SPRR1B: variants seen among roughly 807,000 people sequenced by gnomAD.
SPRR1B encodes cornifin-B.
In SPRR1B, 1 loss-of-function variant was observed where a neutral mutation model predicts 1.2. The ratio of observed to expected loss-of-function variants is 0.82; its 90% CI spans 0.29 to 3.89. The LOEUF is 3.89. Among genes scored for constraint, SPRR1B ranks in the 30% most tolerant of loss-of-function variants. SPRR1B has a pLI of 0.18. For synonymous variants in SPRR1B, 37 were observed against 38.3 expected, an observed-to-expected ratio of 0.97 and a Z score of 0.13; for missense variants, 102 against 106.0, an observed-to-expected ratio of 0.96 and a Z score of 0.17.
intron 1 of SPRR1B, 25 bp from the exon 2 acceptor site, chr1:153,032,302 C>T (rs3820141): frequency 0.51 from 814,027 of 1,590,842 alleles, 210,236 homozygotes; most frequent in East Asian, 0.62. Flanking sequence ...TTATTCTCTG[C>T]TTAAATCATC....
intron 1 of SPRR1B, 27 bp from the exon 2 acceptor site, chr1:153,032,300 T>C: frequency 6.3e-7 from 1 of 1,588,202 alleles, no homozygotes; most frequent in Non-Finnish European, 8.6e-7. Context: ...TATTATTCTC[T>C]GCTTAAATCA....
chr1:153,032,326 G>C lies in SPRR1B; in HGVS notation c.-19-1G>C. On this transcript the variant is annotated splice_acceptor_variant, in intron 1 of 1. Coordinates refer to ENST00000307098, the MANE Select transcript of SPRR1B (RefSeq NM_003125.3). LOFTEE classifies it low-confidence loss of function (5UTR_SPLICE). ...GCTTAAATCATCTGTTCTGTGTCCA[G>C]GACCAGTCACTGTTGCAGCATGAGT... 6.2e-7 allele frequency: 1 copy of C among 1,611,632 alleles called. No individual in the cohort carries two copies. The highest frequency in any genetic ancestry group is 8.5e-7 in the Non-Finnish European group (1 of 1,178,710).
rs1446209314 is a variant in SPRR1B, at chr1:153,032,389, A to G, written c.44A>G (p.Gln15Arg). The change falls in exon 2 of 2, where the codon CAG becomes CGG. Residue 15 changes from glutamine (Q) to arginine (R), a missense_variant. Physicochemically the swap from Gln to Arg is conservative, Grantham distance 43. Coordinates refer to ENST00000307098, the MANE Select transcript of SPRR1B (RefSeq NM_003125.3). ...AAGCAGCCTTGCACCCCACCCCCTC[A>G]GCTTCAGCAGCAGCAGGTGAAACAG... ...QQKQPCTPPPQLQQQQVKQPC... is the reference protein window; with the variant it reads ...QQKQPCTPPPRLQQQQVKQPC... 3 of 1,613,822 alleles carry G rather than the reference A, an allele frequency of 1.9e-6. No individual in the cohort carries two copies. Among genetic ancestry groups the G allele is most frequent in the Non-Finnish European group, 2.5e-6 (3 of 1,179,926 alleles).
At chr1:153,032,269 T>C (rs1224273650) in intron 1 of SPRR1B, 58 bp from the exon 2 acceptor site, 3 of 1,535,344 alleles carry the variant, frequency 2.0e-6, no homozygotes, top group South Asian at 1.3e-5. Flanking sequence ...CCAGAAGTGG[T>C]ATTCACCATG....
At chr1:153,031,282 T>A (rs1653699700) in intron 1 of SPRR1B, 35 bp downstream of exon 1, 1 of 152,050 alleles carries the variant, frequency 6.6e-6, no homozygotes, top group Non-Finnish European at 1.5e-5. Context: ...TTAGCATCCA[T>A]TCTAGGTATT....
In SPRR1B at chr1:153,032,309, C is replaced by A. The variant is rs772815774; in HGVS notation, c.-19-18C>A. 2.5e-6 allele frequency: 4 copies of A among 1,600,748 alleles called. No homozygotes were observed. The South Asian group carries it at 3.4e-5, about 14-fold the overall frequency. ...CTTCCCTATTATTCTCTGCTTAAAT[C>A]ATCTGTTCTGTGTCCAGGACCAGTC... On this transcript the variant is annotated intron_variant, in intron 1 of 1. Coordinates refer to ENST00000307098, the MANE Select transcript of SPRR1B (RefSeq NM_003125.3).
intron 1 of SPRR1B, 21 bp downstream of exon 1, chr1:153,031,268 C>A (rs547972026): frequency 2.6e-5 from 4 of 152,356 alleles, no homozygotes; most frequent in African/African-American, 9.6e-5. Context: ...TTACTTGGAA[C>A]TCTTTAGCAT....
rs752765845 is a variant in SPRR1B at position 153,032,572 on chromosome 1, T to C, written c.227T>C (p.Ile76Thr). The C allele has an allele frequency of 6.2e-6, 10 of 1,613,592 alleles. No homozygotes were observed. In the East Asian group the frequency reaches 8.9e-5, roughly 14 times the overall value. ...AAGGTGCCTGAGCCCTGCCCTTCAATAGTCACTCCAGCACCAGCCCAGCAG... is the reference window on the plus strand; with the variant it reads ...AAGGTGCCTGAGCCCTGCCCTTCAACAGTCACTCCAGCACCAGCCCAGCAG... Reference protein sequence around the residue: ...HPKVPEPCPSIVTPAPAQQKT... With the variant: ...HPKVPEPCPSTVTPAPAQQKT... Residue 76 changes from isoleucine to threonine, a missense_variant, in exon 2 of 2, where the codon ATA (isoleucine) becomes ACA (threonine). Ile to Thr is a moderately conservative substitution (Grantham distance 89, BLOSUM62 -1). Coordinates refer to ENST00000307098, the MANE Select transcript of SPRR1B (RefSeq NM_003125.3).
At position 153,032,309 on chromosome 1, in the gene SPRR1B, C is replaced by T. The variant is rs772815774; in HGVS notation, c.-19-18C>T. On this transcript the variant is annotated intron_variant, in intron 1 of 1. Transcript: ENST00000307098. The stretch of plus-strand genomic sequence containing the variant: ...CTTCCCTATTATTCTCTGCTTAAAT[C>T]ATCTGTTCTGTGTCCAGGACCAGTC... 6.2e-7 allele frequency: 1 copy of T among 1,600,748 alleles called. No homozygotes were observed.
At position 153,032,216 on chromosome 1, in the gene SPRR1B, T is replaced by G. The variant is rs1653728053; in HGVS notation, c.-19-111T>G. The G allele has an allele frequency of 2.3e-6, 3 of 1,313,562 alleles. No homozygotes were observed. The South Asian group carries it at 4.4e-5, about 19-fold the overall frequency. The allele number at this position is 1,313,562 out of a possible 1,614,324, so 81.4% of individuals were successfully genotyped here. On this transcript the variant is annotated intron_variant, in intron 1 of 1. Transcript: ENST00000307098. ...AAGGCTCAGAAATTAAATTAAGTATTCTTTGTGGTCAAGAAGGGGAAAGAA... is the reference window on the plus strand; with the variant it reads ...AAGGCTCAGAAATTAAATTAAGTATGCTTTGTGGTCAAGAAGGGGAAAGAA...
chr1:153,032,226 CAAGAAGGGGA>C, intron 1 of SPRR1B, 91 bp from the exon 2 acceptor site: 1 of 1,372,562 alleles, frequency 7.3e-7, no homozygotes, highest in South Asian at 1.4e-5. Flanking sequence ...TCTTTGTGGT[CAAGAAGGGGA>C]AAGAACATAG....
intron 1 of SPRR1B, 63 bp from the exon 2 acceptor site, chr1:153,032,264 A>C: frequency 6.6e-7 from 1 of 1,521,318 alleles, no homozygotes; most frequent in Non-Finnish European, 8.9e-7. Flanking sequence ...AGAGACCAGA[A>C]GTGGTATTCA....
Position 153,032,332 on chromosome 1 carries a change from G to C in SPRR1B, c.-14G>C. The C allele has an allele frequency of 6.2e-7, 1 of 1,612,510 alleles. No homozygotes were observed. Among genetic ancestry groups the C allele is most frequent in the Non-Finnish European group, 8.5e-7 (1 of 1,179,174 alleles). ...ATCATCTGTTCTGTGTCCAGGACCA[G>C]TCACTGTTGCAGCATGAGTTCCCAG... On this transcript the variant is annotated 5_prime_UTR_variant, in exon 2 of 2. Coordinates refer to ENST00000307098, the MANE Select transcript of SPRR1B (RefSeq NM_003125.3).
chr1:153,031,344 T>A (rs140761269), intron 1 of SPRR1B, 97 bp downstream of exon 1: 3 of 152,376 alleles, frequency 2.0e-5, no homozygotes, highest in Non-Finnish European at 4.4e-5. Context: ...TCCCTCATTA[T>A]TGAATTTGAT....
At chr1:153,032,098 C>T (rs745425270) in intron 1 of SPRR1B, among the ~76,000 whole-genome samples, 2 of 151,996 alleles carry the variant, frequency 1.3e-5, no homozygotes, top group Non-Finnish European at 2.9e-5. Flanking sequence ...TGCTAGAAGC[C>T]TGTTATTGTG....
Position 153,032,691 on chromosome 1 carries a change from C to T in SPRR1B, c.*76C>T. On this transcript the variant is annotated 3_prime_UTR_variant, in exon 2 of 2. Transcript: ENST00000307098. The stretch of plus-strand genomic sequence containing the variant: ...CCTATCCCATTCTGCGTATGAGTCC[C>T]ATTTGCCTTGCAATTAGCATTCTGT... The T allele has an allele frequency of 6.5e-7, 1 of 1,543,394 alleles. No individual in the cohort carries two copies. Among genetic ancestry groups the T allele is most frequent in the Non-Finnish European group, 8.7e-7 (1 of 1,146,176 alleles).
chr1:153,032,873 A>C lies in SPRR1B; in HGVS notation c.*258A>C. The C allele has an allele frequency of 3.4e-6, 2 of 587,530 alleles. No individual in the cohort carries two copies. Among genetic ancestry groups the C allele is most frequent in the African/African-American group, 1.9e-5 (1 of 53,670 alleles). 36.4% of individuals were successfully genotyped at this position (587,530 alleles called of 1,614,324 possible). On this transcript the variant is annotated 3_prime_UTR_variant, in exon 2 of 2. Transcript: ENST00000307098. ...AAAGCAAATGATTCAGCTCCCTTAT[A>C]CCCCCATTAAATTCACTTTCAATTC...
rs369845389 is a variant in SPRR1B, at chr1:153,032,543, C to G, written c.198C>G (p.His66Gln). Residue 66 changes from histidine to glutamine, a missense_variant, in exon 2 of 2, where the codon CAC (histidine) becomes CAG (glutamine). Coordinates refer to ENST00000307098, the MANE Select transcript of SPRR1B (RefSeq NM_003125.3). ...AGCCCAAGGTTCCAGAGCCATGCCA[C>G]CCCAAGGTGCCTGAGCCCTGCCCTT... ...PCQPKVPEPC[H>Q]PKVPEPCPSI... The G allele has an allele frequency of 2.8e-5, 45 of 1,607,966 alleles. No homozygotes were observed. The highest frequency in any genetic ancestry group is 3.7e-5 in the Non-Finnish European group (43 of 1,175,480).
In SPRR1B at chr1:153,032,427, C is replaced by G; in HGVS notation, c.82C>G (p.Pro28Ala). 6.2e-7 allele frequency: 1 copy of G among 1,613,990 alleles called. No individual in the cohort carries two copies. The highest frequency in any genetic ancestry group is 8.5e-7 in the Non-Finnish European group (1 of 1,180,020). Residue 28 changes from proline to alanine, a missense_variant, in exon 2 of 2, where the codon CCA becomes GCA. Coordinates refer to ENST00000307098, the MANE Select transcript of SPRR1B (RefSeq NM_003125.3). ...GCAGGTGAAACAGCCTTGCCAGCCTCCACCTCAGGAACCATGCATCCCCAA... is the reference window on the plus strand; with the variant it reads ...GCAGGTGAAACAGCCTTGCCAGCCTGCACCTCAGGAACCATGCATCCCCAA... ...QQQVKQPCQP[P>A]PQEPCIPKTK...
Sources: gnomAD v4.1 joint callset for allele counts (sites outside exome capture counted in the v4.1 genomes callset) on GRCh38, gnomAD v4.1.1 for gene constraint, MANE v1.5 for transcripts, NCBI Gene and HGNC (gene_info 2026-07-23, HGNC 2026-07-21) for gene names.